TMEM132D: variants seen among roughly 807,000 people sequenced by gnomAD.
TMEM132D encodes the protein transmembrane protein 132D.
In TMEM132D, 21 loss-of-function variants were observed where a neutral mutation model predicts 62.3. That is an observed-to-expected ratio of 0.34 (90% CI 0.24 to 0.49). TMEM132D has a LOEUF of 0.49. TMEM132D is among the 20% of genes least tolerant of loss of function. The probability of loss-of-function intolerance (pLI) is 0.99; values close to 1 mark genes in which losing one functional copy is unlikely to be tolerated. For synonymous variants in TMEM132D, 621 were observed against 575.6 expected (o/e 1.08, Z -1.13); for missense variants, 1,346 against 1,402.8 (o/e 0.96, Z 0.65).
At chr12:129,781,496 T>C (rs11612249) in intron 1 of TMEM132D, among the ~76,000 whole-genome samples, 32,234 of 152,162 alleles carry the variant, frequency 0.21, 3,502 homozygotes, top group South Asian at 0.31. Flanking sequence ...CATCCAAAAA[T>C]ACAATAGCTT....
intron 3 of TMEM132D, among the ~76,000 whole-genome samples, chr12:129,445,431 A>G (rs1201917557): frequency 1.3e-5 from 2 of 152,174 alleles, no homozygotes; most frequent in African/African-American, 2.4e-5. Context: ...CCTATCCTGC[A>G]CATGTACCCC....
chr12:129,537,144 A>T, intron 2 of TMEM132D, among the ~76,000 whole-genome samples: 1 of 109,278 alleles, frequency 9.2e-6, no homozygotes, highest in East Asian at 3.4e-4. Flanking sequence ...TGGGTGACAG[A>T]GTGAAACTCT....
At chr12:129,179,352 T>C (rs1048729470) in intron 5 of TMEM132D, among the ~76,000 whole-genome samples, 1 of 151,822 alleles carries the variant, frequency 6.6e-6, no homozygotes, top group African/African-American at 2.4e-5. Context: ...GTTTTTTTTC[T>C]AAGAAGGTCA....
chr12:129,642,073 C>T (rs541872364), intron 2 of TMEM132D, among the ~76,000 whole-genome samples: 2 of 151,884 alleles, frequency 1.3e-5, no homozygotes, highest in Non-Finnish European at 2.9e-5. Flanking sequence ...AGCAGAGAGA[C>T]GGGACGCTAG....
chr12:129,744,157 C>A (rs1402247188), intron 1 of TMEM132D, among the ~76,000 whole-genome samples: 1 of 152,174 alleles, frequency 6.6e-6, no homozygotes, highest in African/African-American at 2.4e-5. Context: ...CTGTCTCATG[C>A]ATTATTTTAA....
intron 4 of TMEM132D, among the ~76,000 whole-genome samples, chr12:129,225,733 G>T (rs777390899): frequency 1.3e-5 from 2 of 152,132 alleles, no homozygotes; most frequent in East Asian, 1.9e-4. Flanking sequence ...ATTCAATTAC[G>T]TTCCTGGCAA....
intron 5 of TMEM132D, among the ~76,000 whole-genome samples, chr12:129,199,339 T>C (rs1455392950): frequency 6.6e-6 from 1 of 152,184 alleles, no homozygotes; most frequent in Non-Finnish European, 1.5e-5. Context: ...TGAGCTCATG[T>C]GATCCACCCA....
At chr12:129,887,604 AAAT>A (rs923503676) in intron 1 of TMEM132D, among the ~76,000 whole-genome samples, 1 of 152,080 alleles carries the variant, frequency 6.6e-6, no homozygotes, top group African/African-American at 2.4e-5. Context: ...TTAAATTATA[AAAT>A]AATAATAATA....
At chr12:129,668,086 T>G (rs1880418833) in intron 2 of TMEM132D, among the ~76,000 whole-genome samples, 1 of 151,448 alleles carries the variant, frequency 6.6e-6, no homozygotes, top group Non-Finnish European at 1.5e-5. Context: ...TACTGGAGAT[T>G]GTGACATTAG....
intron 2 of TMEM132D, among the ~76,000 whole-genome samples, chr12:129,694,490 G>A (rs264486): frequency 0.22 from 33,017 of 152,186 alleles, 4,058 homozygotes; most frequent in Middle Eastern, 0.28. Flanking sequence ...TGGATGAACT[G>A]CAACCTAGCT....
At chr12:129,711,843 A>C (rs1040687417) in intron 1 of TMEM132D, among the ~76,000 whole-genome samples, 1 of 149,402 alleles carries the variant, frequency 6.7e-6, no homozygotes, top group Non-Finnish European at 1.5e-5. Flanking sequence ...GATTATAAAA[A>C]ATCCATGTGT....
chr12:129,414,795 C>T (rs1377529540), intron 3 of TMEM132D, among the ~76,000 whole-genome samples: 1 of 152,206 alleles, frequency 6.6e-6, no homozygotes, highest in Admixed American at 6.5e-5. Flanking sequence ...CTTTGACGAG[C>T]ATCTCCTTGT....
intron 1 of TMEM132D, among the ~76,000 whole-genome samples, chr12:129,766,729 C>T (rs1173782396): frequency 6.6e-6 from 1 of 152,134 alleles, no homozygotes; most frequent in African/African-American, 2.4e-5. Flanking sequence ...CCCCTCTATG[C>T]ACCTCCTAGT....
intron 3 of TMEM132D, among the ~76,000 whole-genome samples, chr12:129,364,647 A>T (rs570575711): frequency 6.6e-6 from 1 of 152,302 alleles, no homozygotes; most frequent in African/African-American, 2.4e-5. Flanking sequence ...GGATTCTGAC[A>T]TCTCCCCTCA....
chr12:129,575,049 T>A (rs748950191), intron 2 of TMEM132D, among the ~76,000 whole-genome samples: 1 of 151,646 alleles, frequency 6.6e-6, no homozygotes, highest in East Asian at 1.9e-4. Context: ...TGGCGCTACA[T>A]ATGGAGTCTA....
At chr12:129,266,442 C>G (rs562446405) in intron 4 of TMEM132D, among the ~76,000 whole-genome samples, 76 of 151,042 alleles carry the variant, frequency 5.0e-4, no homozygotes, top group Non-Finnish European at 9.3e-4. Context: ...CCTCTCTTCC[C>G]TTTCTTTTCT....
At chr12:129,137,364 ATGCC>A (rs1169675933) in intron 5 of TMEM132D, among the ~76,000 whole-genome samples, 3 of 152,182 alleles carry the variant, frequency 2.0e-5, no homozygotes, top group African/African-American at 7.2e-5. Context: ...AACTCAATAA[ATGCC>A]CTGAAAATCT....
chr12:129,876,294 A>G (rs574598366), intron 1 of TMEM132D, among the ~76,000 whole-genome samples: 8 of 152,306 alleles, frequency 5.3e-5, no homozygotes, highest in Middle Eastern at 3.4e-3. Flanking sequence ...ATCATTGGGA[A>G]GAAGAACTGC....
At position 129,074,649 on chromosome 12, in the gene TMEM132D, A is replaced by G. The variant is rs1293716976; in HGVS notation, c.2526T>C (p.Tyr842=). The G allele has an allele frequency of 2.5e-6, 4 of 1,613,966 alleles. No individual in the cohort carries two copies. Among genetic ancestry groups the G allele is most frequent in the East Asian group, 4.5e-5 (2 of 44,866 alleles). ...QEWGSQEGQY[Y]GSSSMGLMEG... ...CCATGAGTCCCATAGAAGAACTGCCATAGTACTGTCCTTCCTGACTCCCCC... is the reference window on the plus strand; with the variant it reads ...CCATGAGTCCCATAGAAGAACTGCCGTAGTACTGTCCTTCCTGACTCCCCC... Residue 842 remains tyrosine (Y), a synonymous_variant, in exon 9 of 9, where the codon TAT becomes TAC. Transcript: ENST00000422113.
Sources: allele counts gnomAD v4.1 joint callset (sites outside exome capture counted in the v4.1 genomes callset), GRCh38; gene constraint gnomAD v4.1.1; transcripts MANE v1.5; gene names NCBI Gene and HGNC (gene_info 2026-07-23, HGNC 2026-07-21).